CLNK: variants seen among roughly 807,000 people sequenced by gnomAD.
The protein encoded by CLNK is cytokine-dependent hematopoietic cell linker.
Under a neutral mutation model 68.6 loss-of-function variants are expected in CLNK, and 74 were observed. That is an observed-to-expected ratio of 1.08 (90% CI 0.89 to 1.31). The LOEUF (loss-of-function observed/expected upper bound fraction) is 1.31. CLNK is among the 50% of genes most tolerant of loss of function. The pLI, the probability that CLNK is intolerant of heterozygous loss-of-function variation, is 0.00. For missense variants in CLNK, 553 were observed against 515.3 expected (o/e 1.07, Z -0.71); for synonymous variants, 198 against 172.2 (o/e 1.15, Z -1.17).
At chr4:10,541,985 G>T in intron 10 of CLNK, 37 bp downstream of exon 10, 4 of 1,453,740 alleles carry the variant, frequency 2.8e-6, no homozygotes, top group South Asian at 2.5e-5. Context: ...TTATTTCATT[G>T]TATAGCGAAA....
At chr4:10,501,621 C>T in intron 17 of CLNK, among the ~76,000 whole-genome samples, 1 of 152,176 alleles carries the variant, frequency 6.6e-6, no homozygotes, top group Non-Finnish European at 1.5e-5. Flanking sequence ...TCTTGACACT[C>T]TCTTCTTGAA....
At chr4:10,602,846 A>G (rs1454987126) in intron 2 of CLNK, among the ~76,000 whole-genome samples, 4 of 152,242 alleles carry the variant, frequency 2.6e-5, no homozygotes, top group African/African-American at 7.2e-5. Flanking sequence ...AAGCTGGTCA[A>G]ATATTTAAGT....
intron 2 of CLNK, among the ~76,000 whole-genome samples, chr4:10,624,181 G>A (rs1371261205): frequency 6.6e-6 from 1 of 152,220 alleles, no homozygotes; most frequent in Admixed American, 6.5e-5. Context: ...GAATAGGTAA[G>A]CACTAGTGTG....
chr4:10,585,033 T>C (rs2108837007), intron 3 of CLNK, 78 bp from the exon 4 acceptor site: 2 of 1,454,096 alleles, frequency 1.4e-6, no homozygotes, highest in Non-Finnish European at 1.9e-6. Flanking sequence ...GAACAGGCAG[T>C]CATCAAACGT....
At chr4:10,539,351 A>G (rs1047947229) in intron 11 of CLNK, among the ~76,000 whole-genome samples, 7 of 152,204 alleles carry the variant, frequency 4.6e-5, no homozygotes, top group African/African-American at 1.7e-4. Context: ...AGGCTATTTA[A>G]TGTTCCCCAT....
chr4:10,677,220 T>A (rs983085690), intron 1 of CLNK, among the ~76,000 whole-genome samples: 1 of 152,144 alleles, frequency 6.6e-6, no homozygotes, highest in African/African-American at 2.4e-5. Flanking sequence ...GCGGTGAAGA[T>A]AAGGGTGAAG....
intron 3 of CLNK, among the ~76,000 whole-genome samples, chr4:10,589,971 G>A (rs1024309086): frequency 2.0e-5 from 3 of 152,188 alleles, no homozygotes; most frequent in African/African-American, 7.2e-5. Flanking sequence ...ACAGCTGGAT[G>A]GTGTTATAAC....
At chr4:10,574,971 G>C (rs967614521) in intron 4 of CLNK, among the ~76,000 whole-genome samples, 6 of 152,160 alleles carry the variant, frequency 3.9e-5, no homozygotes, top group Non-Finnish European at 8.8e-5. Context: ...TTGCTCACTT[G>C]GGGAGCTCGG....
At chr4:10,666,743 A>G (rs1222107069) in intron 2 of CLNK, among the ~76,000 whole-genome samples, 1 of 152,212 alleles carries the variant, frequency 6.6e-6, no homozygotes, top group Non-Finnish European at 1.5e-5. Context: ...TGAGGAGCCC[A>G]TCTGTGGACT....
At position 10,556,491 on chromosome 4, in the gene CLNK, G is replaced by C. The variant is rs181752049; in HGVS notation, c.445+1916C>G. 5.6e-3 allele frequency among the ~76,000 whole-genome samples: 849 copies of C among 152,310 alleles called. 9 individuals are homozygous for C. The highest frequency in any genetic ancestry group is 0.02 in the African/African-American group (816 of 41,554). ...GAGGTAAACAGACATACTGATATGTGGAATAATGGTCGAAGAAATTTCTGC... is the reference window on the plus strand; with the variant it reads ...GAGGTAAACAGACATACTGATATGTCGAATAATGGTCGAAGAAATTTCTGC... On this transcript the variant is annotated intron_variant, in intron 8 of 18. Coordinates refer to ENST00000226951, the MANE Select transcript of CLNK (RefSeq NM_052964.4).
intron 2 of CLNK, among the ~76,000 whole-genome samples, chr4:10,612,739 T>G (rs2108855203): frequency 6.6e-6 from 1 of 152,274 alleles, no homozygotes; most frequent in African/African-American, 2.4e-5. Context: ...TCTAGAGACA[T>G]GGGTTTTCAA....
At chr4:10,732,754 A>G in the CLNK span, among the ~76,000 whole-genome samples, 1 of 152,156 alleles carries the variant, frequency 6.6e-6, no homozygotes, top group East Asian at 1.9e-4. Flanking sequence ...TATCTTTAAA[A>G]TAAATAGCCA....
At chr4:10,615,274 G>T (rs976317509) in intron 2 of CLNK, among the ~76,000 whole-genome samples, 1 of 152,164 alleles carries the variant, frequency 6.6e-6, no homozygotes, top group Non-Finnish European at 1.5e-5. Context: ...GAGGCCAGGA[G>T]TTCGAAACCA....
intron 2 of CLNK, among the ~76,000 whole-genome samples, chr4:10,646,401 A>C (rs1723512919): frequency 6.6e-6 from 1 of 152,208 alleles, no homozygotes; most frequent in African/African-American, 2.4e-5. Context: ...GGGTCAGTCT[A>C]TGTTACTTAT....
chr4:10,631,545 A>G (rs2108869103), intron 2 of CLNK, among the ~76,000 whole-genome samples: 1 of 152,124 alleles, frequency 6.6e-6, no homozygotes, highest in Non-Finnish European at 1.5e-5. Context: ...GCAGTTGATC[A>G]ATCAGTTAAT....
chr4:10,724,311 A>G, the CLNK span, among the ~76,000 whole-genome samples: 65,155 of 151,784 alleles, frequency 0.43, 14,860 homozygotes, highest in East Asian at 0.58. Flanking sequence ...TGTTGCTCAC[A>G]TGTCCCGCTC....
chr4:10,667,172 A>T (rs1380629837), intron 2 of CLNK, among the ~76,000 whole-genome samples: 2 of 152,146 alleles, frequency 1.3e-5, no homozygotes, highest in Non-Finnish European at 2.9e-5. Flanking sequence ...GGCCTACCTA[A>T]CTCTGAAACT....
chr4:10,651,338 C>T (rs1314335045), intron 2 of CLNK, among the ~76,000 whole-genome samples: 2 of 152,144 alleles, frequency 1.3e-5, no homozygotes, highest in African/African-American at 4.8e-5. Context: ...GAAAATGTGG[C>T]ACATACATAC....
intron 2 of CLNK, among the ~76,000 whole-genome samples, chr4:10,664,716 G>C (rs1724324576): frequency 6.6e-6 from 1 of 152,230 alleles, no homozygotes; most frequent in Non-Finnish European, 1.5e-5. Flanking sequence ...CCCTGGTGAT[G>C]CTGACACTGC....
Sources: gnomAD v4.1 joint callset for allele counts (sites outside exome capture counted in the v4.1 genomes callset) on GRCh38, gnomAD v4.1.1 for gene constraint, MANE v1.5 for transcripts, NCBI Gene and HGNC (gene_info 2026-07-23, HGNC 2026-07-21) for gene names.